The following MPP7 variants were observed in gnomAD, a reference collection of about 807,000 sequenced individuals.
MPP7 encodes the protein MAGUK p55 subfamily member 7.
MPP7 carries 60 observed loss-of-function variants against 76.5 expected under a neutral mutation model. The ratio of observed to expected loss-of-function variants is 0.78; its 90% CI spans 0.64 to 0.97. The LOEUF (loss-of-function observed/expected upper bound fraction) is 0.97. MPP7 is among the 50% of genes least tolerant of loss of function. MPP7 has a pLI of 0.00. For missense variants in MPP7, 641 were observed against 694.0 expected, an observed-to-expected ratio of 0.92 and a Z score of 0.86; for synonymous variants, 237 against 244.5, an observed-to-expected ratio of 0.97 and a Z score of 0.29.
At chr10:28,334,302 G>A (rs703021) in intron 1 of MPP7, 26,192 of 152,016 alleles carry the variant, frequency 0.17, 2,592 homozygotes, top group Non-Finnish European at 0.22. Context: ...AACAACTAAA[G>A]GAGCAGAATA....
chr10:28,123,408 A>G (rs2133628021), intron 8 of MPP7, among the ~76,000 whole-genome samples: 1 of 151,638 alleles, frequency 6.6e-6, no homozygotes, highest in South Asian at 2.1e-4. Flanking sequence ...CACCAGCCAC[A>G]GTGTAGATGC....
In MPP7 at chr10:28,129,223, C is replaced by A. The variant is rs1003597821; in HGVS notation, c.447+2337G>T. ...AGAGCACATTACACGTGATACTGTA[C>A]AAAAGTCATCAATCCTATAGCATAG... On this transcript the variant is annotated intron_variant, in intron 6 of 16. Transcript: ENST00000683449. 2.6e-5 allele frequency among the ~76,000 whole-genome samples: 4 copies of A among 152,146 alleles called. No homozygotes were observed. In the South Asian group the frequency reaches 8.3e-4, roughly 32 times the overall value.
chr10:28,179,268 A>T (rs1836980460), intron 3 of MPP7, among the ~76,000 whole-genome samples: 1 of 152,158 alleles, frequency 6.6e-6, no homozygotes, highest in South Asian at 2.1e-4. Context: ...AGAATCTTGG[A>T]AAATACCCCC....
intron 12 of MPP7, among the ~76,000 whole-genome samples, chr10:28,079,484 C>T (rs1852658544): frequency 6.6e-6 from 1 of 151,896 alleles, no homozygotes; most frequent in African/African-American, 2.4e-5. Context: ...AAGATCCTCT[C>T]TAAAAAACAA....
rs59287927 is a variant in MPP7, at chr10:28,256,844, T to A, written c.-131-18109A>T. 9.6e-3 allele frequency among the ~76,000 whole-genome samples: 1,462 copies of A among 152,334 alleles called. 15 individuals carry two copies. The highest frequency in any genetic ancestry group is 0.034 in the African/African-American group (1,405 of 41,564). On this transcript the variant is annotated intron_variant, in intron 1 of 16. Transcript: ENST00000683449. ...TGTGTGTCTTTCTCCTCCATTAGAC[T>A]ATAAATTCCTTAAGAACCAAGACAA...
chr10:28,257,771 C>G (rs1430618599), intron 1 of MPP7, among the ~76,000 whole-genome samples: 1 of 150,596 alleles, frequency 6.6e-6, no homozygotes, highest in Non-Finnish European at 1.5e-5. Context: ...GAAAAGAAAG[C>G]TTGTTTCCAT....
Position 28,089,841 on chromosome 10 carries a change from G to A in MPP7, c.953C>T (p.Ser318Phe), listed in dbSNP as rs769464296. 2.1e-6 allele frequency: 3 copies of A among 1,405,294 alleles called. No individual in the cohort carries two copies. In the Middle Eastern group the frequency reaches 5.5e-4, roughly 258 times the overall value. 87.1% of individuals were successfully genotyped at this position (1,405,294 alleles called of 1,614,324 possible). Residue 318 changes from serine (S) to phenylalanine (F), a missense_variant and splice_region_variant, in exon 12 of 17, where the codon TCT (serine) becomes TTT (phenylalanine). Transcript: ENST00000683449. ...AAGACGAAAACTTTTTCTAAAACCA[G>A]CTGCAAATATTAAAATAAATATATT... ...QPLKVSNRKSSGFRKSFRLSR... is the reference protein window; with the variant it reads ...QPLKVSNRKSFGFRKSFRLSR...
chr10:28,191,488 A>C (rs543113812), intron 3 of MPP7, among the ~76,000 whole-genome samples: 2 of 152,320 alleles, frequency 1.3e-5, no homozygotes, highest in Admixed American at 6.5e-5. Flanking sequence ...AATGCTCTGA[A>C]ATCTGAAATG....
chr10:28,285,139 A>C (rs981633039), intron 1 of MPP7, among the ~76,000 whole-genome samples: 1 of 152,238 alleles, frequency 6.6e-6, no homozygotes, highest in African/African-American at 2.4e-5. Context: ...CATAATATTG[A>C]AAACTGATGT....
chr10:28,264,940 A>G (rs913344508), intron 1 of MPP7, among the ~76,000 whole-genome samples: 19 of 152,190 alleles, frequency 1.2e-4, no homozygotes, highest in Non-Finnish European at 2.2e-4. Context: ...GTTGATATTG[A>G]GAAATATAAA....
intron 12 of MPP7, among the ~76,000 whole-genome samples, chr10:28,076,412 G>C (rs1429186920): frequency 6.6e-6 from 1 of 152,136 alleles, no homozygotes; most frequent in Non-Finnish European, 1.5e-5. Flanking sequence ...AGTATTCAGA[G>C]TAAGTTCTAA....
chr10:28,252,120 A>AG (rs1839633600), intron 1 of MPP7, among the ~76,000 whole-genome samples: 1 of 152,200 alleles, frequency 6.6e-6, no homozygotes, highest in Non-Finnish European at 1.5e-5. Flanking sequence ...GACTTAGCTT[A>AG]TACATTGCTT....
At chr10:28,324,833 G>A (rs1426474649) in intron 2 of MPP7, among the ~76,000 whole-genome samples, 3 of 152,164 alleles carry the variant, frequency 2.0e-5, no homozygotes, top group African/African-American at 2.4e-5. Context: ...AATCCTAGGA[G>A]ATCAGTTATT....
chr10:28,304,337 T>A (rs1841232027), upstream of MPP7, among the ~76,000 whole-genome samples: 2 of 152,166 alleles, frequency 1.3e-5, no homozygotes, highest in African/African-American at 4.8e-5. Flanking sequence ...TATTTGAAAT[T>A]AAGCACTTCC....
chr10:28,307,467 G>C (rs1207170188), upstream of MPP7: 3 of 152,138 alleles, frequency 2.0e-5, no homozygotes, highest in South Asian at 6.2e-4. Flanking sequence ...TCTGGGCTCA[G>C]ATGAGACCAG....
At chr10:28,298,590 TAAC>T (rs1841083740) in intron 1 of MPP7, among the ~76,000 whole-genome samples, 1 of 152,220 alleles carries the variant, frequency 6.6e-6, no homozygotes, top group Non-Finnish European at 1.5e-5. Context: ...GCATGACGCT[TAAC>T]AATTTTTGGA....
intron 8 of MPP7, 133 bp from the exon 9 acceptor site, chr10:28,120,801 G>A: frequency 5.2e-6 from 3 of 578,576 alleles, no homozygotes; most frequent in Non-Finnish European, 5.9e-6. Flanking sequence ...CTAAACGGAG[G>A]AAACTATTTT....
At chr10:28,286,972 T>A (rs1402993662) in intron 1 of MPP7, among the ~76,000 whole-genome samples, 1 of 152,048 alleles carries the variant, frequency 6.6e-6, no homozygotes, top group African/African-American at 2.4e-5. Flanking sequence ...CATACTGAAG[T>A]ATGGAGGTTG....
At chr10:28,167,310 C>CAAAAAAG (rs1554844801) in intron 3 of MPP7, among the ~76,000 whole-genome samples, 3 of 67,800 alleles carry the variant, frequency 4.4e-5, no homozygotes, top group African/African-American at 1.8e-4. Context: ...GGCTCTGCCT[C>CAAAAAAG]AAAAAAACAA....
Sources: allele counts gnomAD v4.1 joint callset (sites outside exome capture counted in the v4.1 genomes callset), GRCh38; gene constraint gnomAD v4.1.1; transcripts MANE v1.5; gene names NCBI Gene and HGNC (gene_info 2026-07-23, HGNC 2026-07-21).